The following CNIH3 variants were observed in gnomAD, a reference collection of about 807,000 sequenced individuals.
CNIH3 encodes cornichon family AMPA receptor auxiliary protein 3, also known as protein cornichon homolog 3.
A neutral mutation model predicts 24.1 loss-of-function variants in CNIH3; 14 were observed. That is an observed-to-expected ratio of 0.58 (90% CI 0.38 to 0.91). CNIH3 has a LOEUF of 0.91. Ranked by LOEUF, CNIH3 falls within the 40% of genes least tolerant of loss-of-function variation. The pLI, the probability that CNIH3 is intolerant of heterozygous loss-of-function variation, is 0.00. For synonymous variants in CNIH3, 68 were observed against 73.8 expected, an observed-to-expected ratio of 0.92 and a Z score of 0.40; for missense variants, 178 against 196.8, an observed-to-expected ratio of 0.90 and a Z score of 0.57.
rs1317146408 is a variant in CNIH3 at position 224,740,233 on chromosome 1, T to C, written c.*877T>C. ...ACAACATAATTATAACTTTGTTTTA[T>C]GATGCTGCATCATTTGTACTGTTTA... On this transcript the variant is annotated 3_prime_UTR_variant, in exon 6 of 6. Coordinates refer to ENST00000272133, the MANE Select transcript of CNIH3 (RefSeq NM_152495.2). 6.6e-6 allele frequency: 1 copy of C among 152,238 alleles called. No homozygotes were observed. The highest frequency in any genetic ancestry group is 2.4e-5 in the African/African-American group (1 of 41,454). 9.4% of individuals were successfully genotyped at this position (152,238 alleles called of 1,614,324 possible).
intron 2 of CNIH3, among the ~76,000 whole-genome samples, chr1:224,523,748 G>GGAA (rs1381125616): frequency 6.6e-6 from 1 of 152,172 alleles, no homozygotes; most frequent in Non-Finnish European, 1.5e-5. Context: ...AGACTATGGA[G>GGAA]GAAGAGATGG....
intron 2 of CNIH3, among the ~76,000 whole-genome samples, chr1:224,682,977 C>T (rs569485994): frequency 6.6e-6 from 1 of 152,258 alleles, no homozygotes; most frequent in East Asian, 1.9e-4. Context: ...TTTGTGGAAC[C>T]CTTTCCATCT....
intron 1 of CNIH3, among the ~76,000 whole-genome samples, chr1:224,438,356 C>T (rs1051969061): frequency 6.6e-6 from 1 of 152,022 alleles, no homozygotes; most frequent in Non-Finnish European, 1.5e-5. Flanking sequence ...CCACTCCTGA[C>T]CCCAAGACAA....
chr1:224,607,445 C>T (rs1682481521), intron 3 of CNIH3, among the ~76,000 whole-genome samples: 1 of 152,174 alleles, frequency 6.6e-6, no homozygotes, highest in South Asian at 2.1e-4. Context: ...GGTTGCATTC[C>T]TTTGAGTCTT....
intron 1 of CNIH3, among the ~76,000 whole-genome samples, chr1:224,460,505 T>G (rs1274120948): frequency 1.3e-5 from 2 of 152,242 alleles, no homozygotes; most frequent in African/African-American, 2.4e-5. Context: ...TTGTCTGTCT[T>G]CTTTCACGCA....
chr1:224,557,547 C>G (rs1468577819), intron 3 of CNIH3, among the ~76,000 whole-genome samples: 1 of 152,150 alleles, frequency 6.6e-6, no homozygotes, highest in African/African-American at 2.4e-5. Context: ...CTCACTGCAA[C>G]CTCCACCTCC....
chr1:224,434,642 C>A, upstream of CNIH3: 1 of 680,120 alleles, frequency 1.5e-6, no homozygotes. Context: ...CGCGGGGCGG[C>A]TGCGGGGGCG....
intron 1 of CNIH3, among the ~76,000 whole-genome samples, chr1:224,675,777 G>A (rs1686108522): frequency 6.6e-6 from 1 of 152,078 alleles, no homozygotes; most frequent in Admixed American, 6.6e-5. Flanking sequence ...ATGATAACTC[G>A]ACACACCTAC....
Position 224,722,008 on chromosome 1 carries a change from C to T in CNIH3, c.199-8454C>T, listed in dbSNP as rs544024884. Among the ~76,000 whole-genome samples the T allele has an allele frequency of 2.6e-5, 4 of 152,242 alleles. No homozygotes were observed. The South Asian group carries it at 6.2e-4, about 24-fold the overall frequency. ...AAAGCCAGGAGCCAGAGACAACTGC[C>T]TTTGACTGCAAATGCCGGTTGCCCA... On this transcript the variant is annotated intron_variant, in intron 3 of 5. Coordinates refer to ENST00000272133, the MANE Select transcript of CNIH3 (RefSeq NM_152495.2).
chr1:224,661,532 C>T, intron 1 of CNIH3: 1 of 339,626 alleles, frequency 2.9e-6, no homozygotes, highest in Non-Finnish European at 5.6e-6. Context: ...AAGAAGTCCT[C>T]AAATAGATTT....
intron 1 of CNIH3, among the ~76,000 whole-genome samples, chr1:224,474,918 G>A (rs376860262): frequency 1.1e-4 from 17 of 151,538 alleles, no homozygotes; most frequent in South Asian, 6.3e-4. Flanking sequence ...GTGGGCGGGC[G>A]CCTGTAGTCC....
intron 2 of CNIH3, among the ~76,000 whole-genome samples, chr1:224,543,888 T>C (rs998005721): frequency 6.6e-6 from 1 of 152,190 alleles, no homozygotes; most frequent in Non-Finnish European, 1.5e-5. Context: ...GTAGAAGTAC[T>C]GTTGGTCTGG....
chr1:224,444,864 C>G (rs753191053), intron 1 of CNIH3, among the ~76,000 whole-genome samples: 4 of 151,304 alleles, frequency 2.6e-5, no homozygotes, highest in Non-Finnish European at 5.9e-5. Flanking sequence ...AGGCTGGTCT[C>G]AAACTCCTGA....
At chr1:224,576,625 A>G (rs1681047998) in intron 4 of CNIH3, among the ~76,000 whole-genome samples, 1 of 152,236 alleles carries the variant, frequency 6.6e-6, no homozygotes, top group South Asian at 2.1e-4. Context: ...TGTAAATGCT[A>G]TTCACAACTG....
chr1:224,509,446 T>C (rs1678051502), intron 1 of CNIH3, among the ~76,000 whole-genome samples: 1 of 152,136 alleles, frequency 6.6e-6, no homozygotes, highest in Non-Finnish European at 1.5e-5. Context: ...TCTGGCTCCA[T>C]GCTTTCCTCC....
At chr1:224,664,250 A>C (rs1053856607) in intron 1 of CNIH3, among the ~76,000 whole-genome samples, 1 of 152,174 alleles carries the variant, frequency 6.6e-6, no homozygotes, top group African/African-American at 2.4e-5. Context: ...TCCTTGCCTG[A>C]GGGTCGGTTT....
intron 3 of CNIH3, among the ~76,000 whole-genome samples, chr1:224,560,769 T>C (rs1470861672): frequency 3.3e-5 from 5 of 152,122 alleles, no homozygotes; most frequent in African/African-American, 4.8e-5. Context: ...TACTTCATCA[T>C]ATATTACAAT....
At chr1:224,560,956 T>C (rs1291165593) in intron 3 of CNIH3, among the ~76,000 whole-genome samples, 1 of 151,038 alleles carries the variant, frequency 6.6e-6, no homozygotes, top group Non-Finnish European at 1.5e-5. Context: ...TCTCGTGATT[T>C]CAATTTGCAT....
At chr1:224,553,114 T>C (rs1679994679) in intron 3 of CNIH3, among the ~76,000 whole-genome samples, 1 of 149,736 alleles carries the variant, frequency 6.7e-6, no homozygotes, top group South Asian at 2.1e-4. Flanking sequence ...TTAGATAGTA[T>C]GAATAATATC....
Sources: allele counts gnomAD v4.1 joint callset (sites outside exome capture counted in the v4.1 genomes callset), GRCh38; gene constraint gnomAD v4.1.1; transcripts MANE v1.5; gene names NCBI Gene and HGNC (gene_info 2026-07-23, HGNC 2026-07-21).